The following ERMARD variants were observed in gnomAD, a reference collection of about 807,000 sequenced individuals.
The protein encoded by ERMARD is endoplasmic reticulum membrane-associated RNA degradation protein.
In ERMARD, 71 loss-of-function variants were observed where a neutral mutation model predicts 83.9. The ratio of observed to expected loss-of-function variants is 0.85; its 90% CI spans 0.70 to 1.03. The LOEUF is 1.03. ERMARD is among the 50% of genes least tolerant of loss of function. The probability of loss-of-function intolerance (pLI) is 0.00; values close to 1 mark genes in which losing one functional copy is unlikely to be tolerated. For synonymous variants in ERMARD, 284 were observed against 298.6 expected (o/e 0.95, Z 0.50); for missense variants, 838 against 810.9 (o/e 1.03, Z -0.41).
At chr6:169,751,735 G>A in intron 1 of ERMARD, 72 bp downstream of exon 1, 4 of 1,472,424 alleles carry the variant, frequency 2.7e-6, no homozygotes, top group Non-Finnish European at 2.7e-6. Flanking sequence ...GTGGTGCTCG[G>A]CTACGCGGAG....
chr6:169,751,479 G>T, upstream of ERMARD: 2 of 1,612,214 alleles, frequency 1.2e-6, no homozygotes, highest in Non-Finnish European at 1.7e-6. Flanking sequence ...TCTCCAAGAC[G>T]CCCACCGCCT....
intron 17 of ERMARD, 31 bp from the exon 18 acceptor site, chr6:169,781,299 A>G: frequency 6.4e-7 from 1 of 1,550,560 alleles, no homozygotes; most frequent in Non-Finnish European, 8.7e-7. Context: ...TTATAATGGA[A>G]TGGATAAAGA....
intron 12 of ERMARD, among the ~76,000 whole-genome samples, chr6:169,772,196 T>C (rs1793007022): frequency 1.3e-5 from 2 of 152,226 alleles, no homozygotes; most frequent in African/African-American, 4.8e-5. Context: ...ACTGATCCTT[T>C]TACCAACATG....
In ERMARD at chr6:169,766,641, A is replaced by G. The variant is rs759208010; in HGVS notation, c.964A>G (p.Thr322Ala). The G allele has an allele frequency of 1.9e-6, 3 of 1,582,078 alleles. No individual in the cohort carries two copies. Among genetic ancestry groups the G allele is most frequent in the East Asian group, 2.3e-5 (1 of 43,622 alleles). ...TCATTTCTTTCCTTTTCTGAAGTCAACAGCTCTTTATACCACCTTTGATCA... is the reference window on the plus strand; with the variant it reads ...TCATTTCTTTCCTTTTCTGAAGTCAGCAGCTCTTTATACCACCTTTGATCA... ...CPKRLLTAES[T>A]ALYTTFDQIL... is the part of the protein sequence containing the mutation. The change falls in exon 10 of 18, where the codon ACA becomes GCA. Residue 322 changes from threonine to alanine, a missense_variant. Transcript: ENST00000366773.
intron 13 of ERMARD, 126 bp downstream of exon 13, chr6:169,773,528 T>A (rs1793228084): frequency 2.2e-6 from 2 of 889,416 alleles, no homozygotes; most frequent in Admixed American, 2.1e-5. Flanking sequence ...ATCCAGCTTT[T>A]TAACCAGTGC....
rs562230253 is a variant in ERMARD, at chr6:169,779,011, C to T, written c.1740-171C>T. On this transcript the variant is annotated intron_variant, in intron 16 of 17. Coordinates refer to ENST00000366773, the MANE Select transcript of ERMARD (RefSeq NM_018341.3). ...CAAGGGCTATGCTGGGCACTCCTGC[C>T]GGCCACGGGCCTCGGGGCTGGAAGC... Among the ~76,000 whole-genome samples, 13 of 152,346 alleles carry T rather than the reference C, an allele frequency of 8.5e-5. No individual in the cohort carries two copies. The South Asian group carries it at 2.5e-3, about 29-fold the overall frequency.
intron 13 of ERMARD, among the ~76,000 whole-genome samples, chr6:169,774,360 C>T (rs182285424): frequency 4.6e-5 from 7 of 152,262 alleles, no homozygotes; most frequent in East Asian, 3.9e-4. Context: ...TCCCCGTTGG[C>T]GCTGTGGACC....
intron 1 of ERMARD, chr6:169,753,414 T>A (rs1348245838): frequency 6.5e-6 from 1 of 154,564 alleles, no homozygotes; most frequent in African/African-American, 2.4e-5. Context: ...TATACTTGGT[T>A]TCTGCTCTCC....
At chr6:169,751,701 G>A in intron 1 of ERMARD, 38 bp downstream of exon 1, 3 of 1,535,418 alleles carry the variant, frequency 2.0e-6, no homozygotes, top group Non-Finnish European at 2.6e-6. Context: ...TCCCGAGCTA[G>A]GCAGGGAGTC....
rs188729095 is a variant in ERMARD at position 169,765,937 on chromosome 6, A to C, written c.961-701A>C. Among the ~76,000 whole-genome samples the C allele has an allele frequency of 2.0e-4, 18 of 90,578 alleles. 1 individual carries two copies. Among genetic ancestry groups the C allele is most frequent in the African/African-American group, 1.0e-3 (18 of 17,516 alleles). 59.4% of individuals were successfully genotyped at this position (90,578 alleles called of 152,430 possible). A position where few individuals can be genotyped will look rare whatever the true frequency, so the allele number is the denominator to read the frequency against. ...AGTGATTTCGTCACGCTGTCTGTCA[A>C]ATCTCACTGAAGTGATTTCGTCACG... On this transcript the variant is annotated intron_variant, in intron 9 of 17. Coordinates refer to ENST00000366773, the MANE Select transcript of ERMARD (RefSeq NM_018341.3).
At chr6:169,775,503 C>T (rs554042078) in intron 14 of ERMARD, among the ~76,000 whole-genome samples, 157 bp downstream of exon 14, 5 of 152,254 alleles carry the variant, frequency 3.3e-5, no homozygotes, top group South Asian at 2.1e-4. Flanking sequence ...CTGGAAGTGT[C>T]GCTGAATGCG....
At position 169,781,407 on chromosome 6, in the gene ERMARD, C is replaced by A. The variant is rs1433467057; in HGVS notation, c.1931C>A (p.Thr644Asn). The change falls in exon 18 of 18, where the codon ACT (threonine) becomes AAT (asparagine). Residue 644 changes from threonine to asparagine, a missense_variant. Coordinates refer to ENST00000366773, the MANE Select transcript of ERMARD (RefSeq NM_018341.3). Reference sequence around the variant, plus strand: ...TACGAAAAGAACAAGTGGAATGAAACTATCAATCTTACACATACAGCTTTG... The same window carrying A: ...TACGAAAAGAACAAGTGGAATGAAAATATCAATCTTACACATACAGCTTTG... ...TSYEKNKWNE[T>N]INLTHTALLK... 1.9e-6 allele frequency: 3 copies of A among 1,613,344 alleles called. No homozygotes were observed. In the East Asian group the frequency reaches 6.7e-5, roughly 36 times the overall value.
chr6:169,769,431 G>A, intron 11 of ERMARD, 109 bp from the exon 12 acceptor site: 1 of 1,010,148 alleles, frequency 9.9e-7, no homozygotes, highest in South Asian at 1.9e-5. Context: ...TCCCACCCAG[G>A]GCTTCAGAGG....
chr6:169,755,484 C>A, intron 3 of ERMARD, 62 bp downstream of exon 3: 1 of 1,581,866 alleles, frequency 6.3e-7, no homozygotes. Flanking sequence ...AGAGGACGTA[C>A]TATTTGCCAA....
chr6:169,751,469 T>C (rs143301086), upstream of ERMARD: 13,295 of 1,613,066 alleles, frequency 8.2e-3, 74 homozygotes, highest in Non-Finnish European at 9.7e-3. Context: ...CTCGCTCTGT[T>C]CTCCAAGACG....
intron 3 of ERMARD, among the ~76,000 whole-genome samples, chr6:169,756,024 T>A (rs1241713165): frequency 6.6e-6 from 1 of 152,204 alleles, no homozygotes; most frequent in Non-Finnish European, 1.5e-5. Context: ...TGTGTGTATC[T>A]GTTTGAGGGC....
intron 16 of ERMARD, among the ~76,000 whole-genome samples, chr6:169,778,228 A>C (rs1011489751): frequency 6.6e-6 from 1 of 152,244 alleles, no homozygotes; most frequent in African/African-American, 2.4e-5. Context: ...TGTTGTGACG[A>C]AACAATGTTG....
chr6:169,756,373 A>G lies in ERMARD; in HGVS notation c.351A>G (p.Leu117=), dbSNP rs754516803. 12 of 1,611,546 alleles carry G rather than the reference A, an allele frequency of 7.4e-6. No individual in the cohort carries two copies. Among genetic ancestry groups the G allele is most frequent in the African/African-American group, 2.7e-5 (2 of 74,878 alleles). ...AAATATTTGATGCCTTGGAAAGTCT[A>G]CAATCTCCTGCTATTTCTCTTAGCT... ...FPEIFDALES[L]QSPAISLSLM... The change falls in exon 4 of 18, where the codon CTA becomes CTG. Residue 117 remains leucine, a synonymous_variant. Transcript: ENST00000366773.
intron 16 of ERMARD, among the ~76,000 whole-genome samples, chr6:169,778,721 T>C (rs1032075250): frequency 6.6e-6 from 1 of 152,258 alleles, no homozygotes; most frequent in African/African-American, 2.4e-5. Flanking sequence ...ACTAGTTTCA[T>C]GGGAAAAGTA....
Sources: allele counts gnomAD v4.1 joint callset (sites outside exome capture counted in the v4.1 genomes callset), GRCh38; gene constraint gnomAD v4.1.1; transcripts MANE v1.5; gene names NCBI Gene and HGNC (gene_info 2026-07-23, HGNC 2026-07-21).